ZDHHC20: variants seen among roughly 807,000 people sequenced by gnomAD.
ZDHHC20 encodes the protein zDHHC palmitoyltransferase 20.
ZDHHC20 carries 43 observed loss-of-function variants against 57.8 expected under a neutral mutation model. That is an observed-to-expected ratio of 0.74 (90% CI 0.58 to 0.96). The LOEUF is 0.96. Ranked by LOEUF, ZDHHC20 falls within the 40% of genes least tolerant of loss-of-function variation. The pLI is 0.00. For synonymous variants in ZDHHC20, 157 were observed against 153.0 expected (o/e 1.03, Z -0.19); for missense variants, 391 against 441.1 (o/e 0.89, Z 1.02).
At chr13:21,376,774 T>G in intron 12 of ZDHHC20, 119 bp from the exon 13 acceptor site, 1 of 553,430 alleles carries the variant, frequency 1.8e-6, no homozygotes. Flanking sequence ...GGAAAATGAA[T>G]TCCTTAACAC....
At chr13:21,411,950 T>C (rs1478300059) in intron 4 of ZDHHC20, among the ~76,000 whole-genome samples, 2 of 152,230 alleles carry the variant, frequency 1.3e-5, no homozygotes, top group Admixed American at 6.5e-5. Context: ...TAATAGGCCA[T>C]TCAAGTACAG....
At chr13:21,458,551 CA>C (rs1385644035) in intron 1 of ZDHHC20, among the ~76,000 whole-genome samples, 2 of 152,078 alleles carry the variant, frequency 1.3e-5, no homozygotes, top group Admixed American at 6.5e-5. Context: ...CCGAGGCCAC[CA>C]AAAGACACAC....
chr13:21,419,604 CAT>C (rs1246638146), intron 3 of ZDHHC20, among the ~76,000 whole-genome samples: 2 of 152,328 alleles, frequency 1.3e-5, no homozygotes, highest in East Asian at 1.9e-4. Context: ...GCCACACACA[CAT>C]ATGACTATGA....
At chr13:21,417,072 C>A (rs1042056604) in intron 3 of ZDHHC20, among the ~76,000 whole-genome samples, 9 of 152,128 alleles carry the variant, frequency 5.9e-5, no homozygotes, top group Non-Finnish European at 1.2e-4. Context: ...ATTCTAAGTA[C>A]TGGGGATACA....
intron 1 of ZDHHC20, among the ~76,000 whole-genome samples, chr13:21,438,092 G>A (rs1882741093): frequency 6.6e-6 from 1 of 152,168 alleles, no homozygotes; most frequent in South Asian, 2.1e-4. Flanking sequence ...TGAAACCCAA[G>A]GACTCTGATG....
intron 4 of ZDHHC20, among the ~76,000 whole-genome samples, chr13:21,411,413 A>G (rs913097803): frequency 1.3e-5 from 2 of 152,208 alleles, no homozygotes; most frequent in African/African-American, 4.8e-5. Context: ...ATGTAGAAAA[A>G]GTAGAGCTAT....
chr13:21,457,373 T>C (rs1051267959), intron 1 of ZDHHC20, among the ~76,000 whole-genome samples: 7 of 152,146 alleles, frequency 4.6e-5, no homozygotes, highest in African/African-American at 1.7e-4. Flanking sequence ...AAATGCCCAC[T>C]TCAGAGTAAA....
chr13:21,441,012 G>C (rs755780978), intron 1 of ZDHHC20, among the ~76,000 whole-genome samples: 1 of 152,060 alleles, frequency 6.6e-6, no homozygotes, highest in African/African-American at 2.4e-5. Flanking sequence ...AGGCTTTTTG[G>C]TTTAAAATCT....
intron 7 of ZDHHC20, among the ~76,000 whole-genome samples, chr13:21,395,455 T>C (rs1181188252): frequency 6.6e-6 from 1 of 151,650 alleles, no homozygotes; most frequent in African/African-American, 2.4e-5. Context: ...GAAATAATAA[T>C]GGCCCCCTTC....
intron 1 of ZDHHC20, among the ~76,000 whole-genome samples, chr13:21,457,514 T>C (rs1885024513): frequency 6.6e-6 from 1 of 152,180 alleles, no homozygotes; most frequent in African/African-American, 2.4e-5. Context: ...TTAGTAAACA[T>C]TCTGGTATCC....
At chr13:21,390,553 A>G (rs999126008) in intron 8 of ZDHHC20, among the ~76,000 whole-genome samples, 1 of 152,240 alleles carries the variant, frequency 6.6e-6, no homozygotes, top group Non-Finnish European at 1.5e-5. Context: ...CCTTAGCCTC[A>G]GTCATGGAAC....
At position 21,402,661 on chromosome 13, in the gene ZDHHC20, G is replaced by A. The variant is rs1593212579; in HGVS notation, c.440+136C>T. The A allele has an allele frequency of 3.2e-5, 22 of 692,852 alleles. No homozygotes were observed. The East Asian group carries it at 6.1e-4, about 19-fold the overall frequency. The allele number at this position is 692,852 out of a possible 1,614,324, so 42.9% of individuals were successfully genotyped here. On this transcript the variant is annotated intron_variant, in intron 5 of 12. Transcript: ENST00000400590. ...TTTTATCAATATTTTTGTCTGCCCT[G>A]TATGCACAGCAAATAATGGGAGAGG... is the stretch of plus-strand genomic sequence containing the variant.
intron 1 of ZDHHC20, among the ~76,000 whole-genome samples, chr13:21,428,282 G>A (rs1349495715): frequency 4.6e-5 from 7 of 151,934 alleles, no homozygotes; most frequent in Admixed American, 6.6e-5. Flanking sequence ...GTAAAGTGGC[G>A]TGATCTTGGC....
chr13:21,405,023 C>T (rs1878251508), intron 4 of ZDHHC20, among the ~76,000 whole-genome samples: 1 of 152,076 alleles, frequency 6.6e-6, no homozygotes, highest in Admixed American at 6.6e-5. Flanking sequence ...CTACAATACT[C>T]TGTTATATAT....
At chr13:21,394,563 A>C (rs182946120) in intron 7 of ZDHHC20, among the ~76,000 whole-genome samples, 1 of 152,230 alleles carries the variant, frequency 6.6e-6, no homozygotes, top group Non-Finnish European at 1.5e-5. Flanking sequence ...ATACATATTT[A>C]TTGAATGAAG....
chr13:21,437,238 T>A (rs1480719196), intron 1 of ZDHHC20, among the ~76,000 whole-genome samples: 1 of 152,186 alleles, frequency 6.6e-6, no homozygotes, highest in African/African-American at 2.4e-5. Flanking sequence ...AAATAAGCCA[T>A]CTCCATAACA....
In ZDHHC20 at chr13:21,415,534, A is replaced by T. The variant is rs913987953; in HGVS notation, c.250-1762T>A. ...TTAAAGATGAAAAAGTCTTAAAGAC[A>T]ATGGAGGCCCCTTATCTAATCTTCC... On this transcript the variant is annotated intron_variant, in intron 3 of 12. Coordinates refer to ENST00000400590, the MANE Select transcript of ZDHHC20 (RefSeq NM_001330059.2). Among the ~76,000 whole-genome samples, 4 of 152,190 alleles carry T rather than the reference A, an allele frequency of 2.6e-5. No homozygotes were observed. The South Asian group carries it at 6.2e-4, about 24-fold the overall frequency.
In ZDHHC20 at chr13:21,378,718, C is replaced by CTGT. The variant is rs1209289135; in HGVS notation, c.1078_1080dup (p.Thr360dup). 2.7e-6 allele frequency: 4 copies of CTGT among 1,457,878 alleles called. No homozygotes were observed. The highest frequency in any genetic ancestry group is 1.4e-5 in the African/African-American group (1 of 69,312). 90.3% of individuals were successfully genotyped at this position (1,457,878 alleles called of 1,614,324 possible). On this transcript the variant is annotated inframe_insertion, in exon 12 of 13. Coordinates refer to ENST00000400590, the MANE Select transcript of ZDHHC20 (RefSeq NM_001330059.2). ...AGTGGTACTCAATTTTCTATTGCCA[C>CTGT]TGTTACATGGTTATTTGTCCCTGTA...
At chr13:21,420,643 C>T (rs1329378803) in intron 3 of ZDHHC20, among the ~76,000 whole-genome samples, 1 of 152,182 alleles carries the variant, frequency 6.6e-6, no homozygotes, top group Non-Finnish European at 1.5e-5. Flanking sequence ...TAAAGTGCAG[C>T]AAGCAATAGC....
Sources: gnomAD v4.1 joint callset for allele counts (sites outside exome capture counted in the v4.1 genomes callset) on GRCh38, gnomAD v4.1.1 for gene constraint, MANE v1.5 for transcripts, NCBI Gene and HGNC (gene_info 2026-07-23, HGNC 2026-07-21) for gene names.